SLC18A1: variants seen among roughly 807,000 people sequenced by gnomAD.
SLC18A1 encodes the protein chromaffin granule amine transporter.
In SLC18A1, 69 loss-of-function variants were observed where a neutral mutation model predicts 53.7. The observed-to-expected ratio is 1.28, with a 90% CI of 1.06 to 1.57. The LOEUF is 1.57. Ranked by LOEUF, SLC18A1 falls within the 40% of genes most tolerant of loss-of-function variation. The pLI, the probability that SLC18A1 is intolerant of heterozygous loss-of-function variation, is 0.00. For synonymous variants in SLC18A1, 320 were observed against 248.1 expected, an observed-to-expected ratio of 1.29 and a Z score of -2.72; for missense variants, 932 against 668.1, an observed-to-expected ratio of 1.40 and a Z score of -4.35.
intron 8 of SLC18A1, among the ~76,000 whole-genome samples, chr8:20,166,950 G>T (rs1221251849): frequency 6.6e-6 from 1 of 152,140 alleles, no homozygotes; most frequent in Non-Finnish European, 1.5e-5. Context: ...TGCAAGCCAG[G>T]AAGAGAGGCC....
intron 10 of SLC18A1, 42 bp from the exon 11 acceptor site, chr8:20,150,786 T>G (rs1159094296): frequency 6.4e-7 from 1 of 1,558,726 alleles, no homozygotes; most frequent in South Asian, 1.1e-5. Flanking sequence ...CATGTCCAAT[T>G]TACTCTAAAA....
chr8:20,159,634 CAAAAAAAAAAAAAAAA>C (rs200123466), intron 10 of SLC18A1, among the ~76,000 whole-genome samples: 8,420 of 82,018 alleles, frequency 0.1, 781 homozygotes, highest in East Asian at 0.38. Context: ...TTGCAGCTGC[CAAAAAAAAAAAAAAAA>C]AAAAAAAAAA....
At chr8:20,166,174 A>T (rs1469240371) in intron 8 of SLC18A1, among the ~76,000 whole-genome samples, 1 of 151,688 alleles carries the variant, frequency 6.6e-6, no homozygotes, top group African/African-American at 2.4e-5. Flanking sequence ...TGCAAATTAC[A>T]GCACTATTTA....
rs769897004 is a variant in SLC18A1 at position 20,179,112 on chromosome 8, G to C, written c.488+9C>G. ...TGTACCCTGCGGGGCACTGCACCCAGTGAGATACCTGTTGGTGAGAGGGCC... is the reference window on the plus strand; with the variant it reads ...TGTACCCTGCGGGGCACTGCACCCACTGAGATACCTGTTGGTGAGAGGGCC... On this transcript the variant is annotated intron_variant, in intron 3 of 15. Coordinates refer to ENST00000276373, the MANE Select transcript of SLC18A1 (RefSeq NM_003053.4). The C allele has an allele frequency of 7.5e-6, 12 of 1,605,986 alleles. No homozygotes were observed. Among genetic ancestry groups the C allele is most frequent in the Middle Eastern group, 1.7e-4 (1 of 6,052 alleles).
intron 10 of SLC18A1, among the ~76,000 whole-genome samples, chr8:20,159,719 A>G (rs1395481221): frequency 6.6e-6 from 1 of 151,760 alleles, no homozygotes. Flanking sequence ...CATAATTTCT[A>G]CCAGACAGGC....
At chr8:20,179,645 G>A (rs1480213137) in intron 2 of SLC18A1, among the ~76,000 whole-genome samples, 161 bp from the exon 3 acceptor site, 1 of 152,196 alleles carries the variant, frequency 6.6e-6, no homozygotes, top group Non-Finnish European at 1.5e-5. Flanking sequence ...AGGATCAGGG[G>A]ACTATGATGA....
At chr8:20,152,278 A>T (rs768742116) in intron 10 of SLC18A1, among the ~76,000 whole-genome samples, 26 of 152,236 alleles carry the variant, frequency 1.7e-4, no homozygotes, top group Non-Finnish European at 3.7e-4. Context: ...TGGTTATTCC[A>T]AGGGCAATGG....
chr8:20,179,914 G>A (rs2072378657), intron 2 of SLC18A1, among the ~76,000 whole-genome samples: 1 of 152,206 alleles, frequency 6.6e-6, no homozygotes, highest in Admixed American at 6.5e-5. Flanking sequence ...CTGGCCACAG[G>A]AGGGGATGGG....
At chr8:20,147,933 A>G in intron 13 of SLC18A1, 74 bp downstream of exon 13, 1 of 1,534,826 alleles carries the variant, frequency 6.5e-7, no homozygotes, top group Admixed American at 1.7e-5. Context: ...TCTGATGAGA[A>G]AAGGGGGAGG....
At chr8:20,169,841 T>TG (rs1416613242) in intron 8 of SLC18A1, among the ~76,000 whole-genome samples, 1 of 152,194 alleles carries the variant, frequency 6.6e-6, no homozygotes, top group Admixed American at 6.5e-5. Context: ...ATCGCCCCAC[T>TG]GTACTCCAGC....
At chr8:20,177,853 T>C (rs1259112331) in intron 4 of SLC18A1, among the ~76,000 whole-genome samples, 1 of 152,158 alleles carries the variant, frequency 6.6e-6, no homozygotes, top group African/African-American at 2.4e-5. Flanking sequence ...GTTTATCCCA[T>C]CTCCATTTTA....
chr8:20,149,656 C>G lies in SLC18A1; in HGVS notation c.1146+20G>C, dbSNP rs2128867969. The G allele has an allele frequency of 1.2e-6, 2 of 1,604,222 alleles. No individual in the cohort carries two copies. The highest frequency in any genetic ancestry group is 2.2e-5 in the East Asian group (1 of 44,774). The stretch of plus-strand genomic sequence containing the variant: ...TCGCTCTCTCTCTCCTTCCCCTCCC[C>G]CAGGTCTTCTTATACTTACACAGAG... On this transcript the variant is annotated intron_variant, in intron 12 of 15. Coordinates refer to ENST00000276373, the MANE Select transcript of SLC18A1 (RefSeq NM_003053.4).
At position 20,169,910 on chromosome 8, in the gene SLC18A1, T is replaced by A. The variant is rs191233662; in HGVS notation, c.858+1193A>T. On this transcript the variant is annotated intron_variant, in intron 8 of 15. Transcript: ENST00000276373. ...GTAGATATTTATGGGTGCCTCACTT[T>A]CCTGGAATCTCAAGCTGGATTTACT... 9.2e-5 allele frequency among the ~76,000 whole-genome samples: 14 copies of A among 152,294 alleles called. No individual in the cohort carries two copies. In the East Asian group the frequency reaches 2.7e-3, roughly 29 times the overall value.
At position 20,179,503 on chromosome 8, in the gene SLC18A1, A is replaced by C. The variant is rs768047591; in HGVS notation, c.125-19T>G. 6.3e-7 allele frequency: 1 copy of C among 1,595,560 alleles called. No individual in the cohort carries two copies. The highest frequency in any genetic ancestry group is 1.1e-5 in the South Asian group (1 of 88,192). On this transcript the variant is annotated intron_variant, in intron 2 of 15. Transcript: ENST00000276373. ...ATTGGCACTGAAAGTCAAAGAGGAC[A>C]GGTGATGGGGGCTAAGGACCGATGT...
intron 11 of SLC18A1, among the ~76,000 whole-genome samples, 168 bp from the exon 12 acceptor site, chr8:20,149,895 C>G (rs993021329): frequency 2.0e-5 from 3 of 152,180 alleles, no homozygotes; most frequent in Non-Finnish European, 4.4e-5. Flanking sequence ...AGCTCTCTCC[C>G]TGCCCTTTCC....
chr8:20,163,188 T>A (rs1327263651), intron 10 of SLC18A1, among the ~76,000 whole-genome samples: 2 of 152,112 alleles, frequency 1.3e-5, no homozygotes, highest in Non-Finnish European at 2.9e-5. Flanking sequence ...AGAGCACACA[T>A]GAGAGAGATG....
At chr8:20,164,012 C>T (rs1044455914) in intron 10 of SLC18A1, among the ~76,000 whole-genome samples, 1 of 152,188 alleles carries the variant, frequency 6.6e-6, no homozygotes, top group African/African-American at 2.4e-5. Context: ...AAAGCACTTG[C>T]AACCCATAAA....
chr8:20,181,735 T>C (rs1031234406), intron 1 of SLC18A1: 2 of 152,106 alleles, frequency 1.3e-5, no homozygotes, highest in Non-Finnish European at 2.9e-5. Flanking sequence ...TGAGAAACAC[T>C]GATGTAGACC....
chr8:20,151,429 A>C (rs1194161651), intron 10 of SLC18A1, among the ~76,000 whole-genome samples: 1 of 152,158 alleles, frequency 6.6e-6, no homozygotes, highest in East Asian at 1.9e-4. Flanking sequence ...TGGGTGCCAC[A>C]TACCCATACA....
Sources: allele counts gnomAD v4.1 joint callset (sites outside exome capture counted in the v4.1 genomes callset), GRCh38; gene constraint gnomAD v4.1.1; transcripts MANE v1.5; gene names NCBI Gene and HGNC (gene_info 2026-07-23, HGNC 2026-07-21).